WDSUB1: variants seen among roughly 807,000 people sequenced by gnomAD.
The protein encoded by WDSUB1 is WD repeat, SAM and U-box domain-containing protein 1.
Under a neutral mutation model 53.9 loss-of-function variants are expected in WDSUB1, and 49 were observed. The ratio of observed to expected loss-of-function variants is 0.91; its 90% CI spans 0.72 to 1.15. WDSUB1 has a LOEUF of 1.15. Ranked by LOEUF, WDSUB1 falls within the 50% of genes most tolerant of loss-of-function variation. The pLI, the probability that WDSUB1 is intolerant of heterozygous loss-of-function variation, is 0.00. For missense variants in WDSUB1, 514 were observed against 562.0 expected (o/e 0.91, Z 0.86); for synonymous variants, 194 against 200.6 (o/e 0.97, Z 0.28).
intron 1 of WDSUB1, among the ~76,000 whole-genome samples, chr2:159,283,791 T>C (rs897561942): frequency 6.6e-6 from 1 of 152,120 alleles, no homozygotes; most frequent in Non-Finnish European, 1.5e-5. Context: ...TCCTCGGCCC[T>C]GGGGGTTGGG....
chr2:159,285,236 T>C (rs2061764168), intron 1 of WDSUB1, among the ~76,000 whole-genome samples: 1 of 152,136 alleles, frequency 6.6e-6, no homozygotes, highest in Admixed American at 6.5e-5. Context: ...CCATATGTAA[T>C]ATGAAATTAG....
chr2:159,238,824 G>A (rs763637728), intron 10 of WDSUB1, among the ~76,000 whole-genome samples: 55 of 140,204 alleles, frequency 3.9e-4, no homozygotes, highest in African/African-American at 1.0e-3. Context: ...TGTATCTCTC[G>A]GTAAAAAGTT....
At chr2:159,250,557 G>C (rs2060928403) in intron 9 of WDSUB1, among the ~76,000 whole-genome samples, 1 of 152,164 alleles carries the variant, frequency 6.6e-6, no homozygotes, top group African/African-American at 2.4e-5. Flanking sequence ...TCAGAGAATG[G>C]TCATGACAGT....
intron 10 of WDSUB1, among the ~76,000 whole-genome samples, chr2:159,246,290 G>A (rs1275234102): frequency 3.3e-5 from 5 of 152,006 alleles, no homozygotes; most frequent in African/African-American, 1.2e-4. Context: ...AAATTAGCCG[G>A]GCGTGGTGGT....
chr2:159,258,166 G>T (rs1330889149), intron 6 of WDSUB1, among the ~76,000 whole-genome samples, 181 bp from the exon 7 acceptor site: 1 of 152,096 alleles, frequency 6.6e-6, no homozygotes, highest in Non-Finnish European at 1.5e-5. Context: ...GCATTCTCAG[G>T]TACTTACTTC....
chr2:159,252,024 G>A (rs1308625231), intron 9 of WDSUB1, among the ~76,000 whole-genome samples: 2 of 152,122 alleles, frequency 1.3e-5, no homozygotes, highest in Non-Finnish European at 2.9e-5. Flanking sequence ...GCCTGGAATT[G>A]AACAAGCACA....
intron 1 of WDSUB1, among the ~76,000 whole-genome samples, chr2:159,285,229 T>C (rs1435896930): frequency 1.3e-5 from 2 of 152,184 alleles, no homozygotes; most frequent in African/African-American, 4.8e-5. Context: ...AAATAATCCA[T>C]ATGTAATATG....
At chr2:159,237,274 C>T (rs1468962780) in intron 10 of WDSUB1, among the ~76,000 whole-genome samples, 8 of 152,204 alleles carry the variant, frequency 5.3e-5, no homozygotes, top group African/African-American at 1.9e-4. Context: ...GATCCCAGCA[C>T]TCTGGGAGGC....
chr2:159,239,653 G>A (rs993437081), intron 10 of WDSUB1, among the ~76,000 whole-genome samples: 1 of 152,178 alleles, frequency 6.6e-6, no homozygotes, highest in African/African-American at 2.4e-5. Flanking sequence ...GCTAGGCTCA[G>A]TGGCTCATGC....
At chr2:159,243,961 A>T (rs2060722686) in intron 10 of WDSUB1, among the ~76,000 whole-genome samples, 1 of 152,244 alleles carries the variant, frequency 6.6e-6, no homozygotes, top group Non-Finnish European at 1.5e-5. Context: ...TTAAGAAGCC[A>T]GACCCAAGAG....
chr2:159,248,391 T>C lies in WDSUB1; in HGVS notation c.1254A>G (p.Lys418=), dbSNP rs1361279694. The change falls in exon 10 of 11, where the codon AAA becomes AAG. Residue 418 remains lysine (K), a synonymous_variant. Coordinates refer to ENST00000359774, the MANE Select transcript of WDSUB1 (RefSeq NM_001128212.3). ...ACATACCTGATGCGATGACCGGATC[T>C]TTCATAAGTTCTCTAGTTATTGGAC... ...FICPITRELM[K]DPVIASDGYS... is the part of the protein sequence containing the mutation. 2 of 1,612,072 alleles carry C rather than the reference T, an allele frequency of 1.2e-6. No individual in the cohort carries two copies. Among genetic ancestry groups the C allele is most frequent in the South Asian group, 2.2e-5 (2 of 90,738 alleles).
chr2:159,243,326 T>C (rs865854786), intron 10 of WDSUB1, among the ~76,000 whole-genome samples: 4 of 147,492 alleles, frequency 2.7e-5, no homozygotes, highest in Non-Finnish European at 5.9e-5. Context: ...AGGGAGATCA[T>C]GGGTCCAGTT....
chr2:159,251,657 A>G (rs1044592789), intron 9 of WDSUB1, among the ~76,000 whole-genome samples: 2 of 152,228 alleles, frequency 1.3e-5, no homozygotes, highest in Non-Finnish European at 2.9e-5. Context: ...GTATTGGGCA[A>G]TATCTGGCTA....
At chr2:159,285,613 G>A (rs983482279) in intron 1 of WDSUB1, among the ~76,000 whole-genome samples, 5 of 152,142 alleles carry the variant, frequency 3.3e-5, no homozygotes, top group African/African-American at 1.2e-4. Flanking sequence ...AGCTGAGGCG[G>A]GAGCATCACT....
chr2:159,259,190 A>G (rs2061137315), intron 6 of WDSUB1, among the ~76,000 whole-genome samples: 1 of 152,002 alleles, frequency 6.6e-6, no homozygotes, highest in Non-Finnish European at 1.5e-5. Flanking sequence ...CGGTCAGCTA[A>G]GTTTTTGTAT....
At chr2:159,273,283 A>C (rs2061477725) in intron 4 of WDSUB1, among the ~76,000 whole-genome samples, 1 of 152,164 alleles carries the variant, frequency 6.6e-6, no homozygotes, top group Admixed American at 6.5e-5. Context: ...TTGCACACCA[A>C]ATTAAGACTA....
At chr2:159,283,518 G>A (rs1354371922) in intron 1 of WDSUB1, among the ~76,000 whole-genome samples, 1 of 152,086 alleles carries the variant, frequency 6.6e-6, no homozygotes, top group Non-Finnish European at 1.5e-5. Context: ...GCAGTGAGCT[G>A]ATATCGTGCC....
chr2:159,273,209 T>C (rs532596795), intron 4 of WDSUB1, among the ~76,000 whole-genome samples: 3 of 152,178 alleles, frequency 2.0e-5, no homozygotes, highest in Non-Finnish European at 4.4e-5. Context: ...CAAAAGGCTT[T>C]AATTCTAACT....
chr2:159,265,107 A>C (rs1369122174), intron 5 of WDSUB1, among the ~76,000 whole-genome samples: 1 of 149,112 alleles, frequency 6.7e-6, no homozygotes, highest in East Asian at 2.1e-4. Flanking sequence ...AAATAAAACA[A>C]CAACAACAAC....
Sources: allele counts gnomAD v4.1 joint callset (sites outside exome capture counted in the v4.1 genomes callset), GRCh38; gene constraint gnomAD v4.1.1; transcripts MANE v1.5; gene names NCBI Gene and HGNC (gene_info 2026-07-23, HGNC 2026-07-21).